Variants in FSTL5 observed in about 807,000 individuals in gnomAD.
The protein encoded by FSTL5 is follistatin like 5.
FSTL5 carries 62 observed loss-of-function variants against 89.1 expected under a neutral mutation model. That is an observed-to-expected ratio of 0.70 (90% CI 0.57 to 0.86). FSTL5 has a LOEUF of 0.86. Among genes scored for constraint, FSTL5 ranks in the 40% least tolerant of loss-of-function variants. The pLI, the probability that FSTL5 is intolerant of heterozygous loss-of-function variation, is 0.00. For synonymous variants in FSTL5, 383 were observed against 346.2 expected (o/e 1.11, Z -1.18); for missense variants, 1,057 against 1,001.6 (o/e 1.06, Z -0.75).
At chr4:161,943,632 T>A (rs1182564965) in intron 3 of FSTL5, among the ~76,000 whole-genome samples, 1 of 125,886 alleles carries the variant, frequency 7.9e-6, no homozygotes, top group Admixed American at 1.0e-4. Context: ...CTCAGCTCAC[T>A]GCAAGCCCCG....
At chr4:161,518,647 C>T (rs756901433) in intron 10 of FSTL5, among the ~76,000 whole-genome samples, 13 of 152,174 alleles carry the variant, frequency 8.5e-5, no homozygotes, top group Admixed American at 3.9e-4. Context: ...ATTGAATCCA[C>T]GACAAGGTAA....
In FSTL5 at chr4:161,402,978, C is replaced by T. The variant is rs28433702; in HGVS notation, c.1842-16529G>A. Among the ~76,000 whole-genome samples the T allele has an allele frequency of 5.8e-3, 886 of 151,830 alleles. 4 individuals are homozygous for T. Among genetic ancestry groups the T allele is most frequent in the African/African-American group, 0.02 (811 of 41,280 alleles). On this transcript the variant is annotated intron_variant, in intron 15 of 15. Coordinates refer to ENST00000306100, the MANE Select transcript of FSTL5 (RefSeq NM_020116.5). ...CGGGGACTACAGGTGCCTGCCACCA[C>T]GCCCGGCTAATTTTTTTTTTGTTTG...
intron 13 of FSTL5, among the ~76,000 whole-genome samples, chr4:161,469,357 A>C (rs2126430239): frequency 6.6e-6 from 1 of 152,316 alleles, no homozygotes; most frequent in East Asian, 1.9e-4. Context: ...TGATAATTCT[A>C]CTTTTAATTT....
intron 7 of FSTL5, among the ~76,000 whole-genome samples, chr4:161,627,207 AT>A (rs1206995759): frequency 6.6e-6 from 1 of 152,120 alleles, no homozygotes; most frequent in East Asian, 1.9e-4. Context: ...CTGTTGTCTT[AT>A]TTTACAAAAT....
intron 15 of FSTL5, among the ~76,000 whole-genome samples, chr4:161,422,633 C>A (rs1252183956): frequency 6.6e-6 from 1 of 152,082 alleles, no homozygotes; most frequent in Admixed American, 6.6e-5. Context: ...TATCGCTAAC[C>A]CTTGCTTTCT....
At chr4:161,918,858 GT>G (rs1432166792) in intron 4 of FSTL5, among the ~76,000 whole-genome samples, 1 of 152,004 alleles carries the variant, frequency 6.6e-6, no homozygotes, top group Admixed American at 6.6e-5. Flanking sequence ...GGCCAGGCTG[GT>G]TTTGAACTCC....
chr4:161,416,737 C>T (rs939291770), intron 15 of FSTL5, among the ~76,000 whole-genome samples: 6 of 150,486 alleles, frequency 4.0e-5, no homozygotes, highest in East Asian at 2.0e-4. Context: ...CCCAGCTACT[C>T]GGGAGGCTGA....
At chr4:161,747,239 A>G (rs937904141) in intron 6 of FSTL5, among the ~76,000 whole-genome samples, 3 of 152,224 alleles carry the variant, frequency 2.0e-5, no homozygotes, top group Non-Finnish European at 4.4e-5. Context: ...ACATAAGTGA[A>G]TCATTGCACA....
intron 2 of FSTL5, among the ~76,000 whole-genome samples, chr4:162,079,652 G>A (rs1730009749): frequency 6.6e-6 from 1 of 151,366 alleles, no homozygotes; most frequent in South Asian, 2.1e-4. Context: ...TAGGATCAGA[G>A]CAACTTCAAA....
At position 161,629,902 on chromosome 4, in the gene FSTL5, G is replaced by A. The variant is rs112528778; in HGVS notation, c.894+26426C>T. Reference sequence around the variant, plus strand: ...GACAGAGTTGGCGCACAGCCAGTGCGAGGCTGTCTATGATGGGACTTCCAG... The same window carrying A: ...GACAGAGTTGGCGCACAGCCAGTGCAAGGCTGTCTATGATGGGACTTCCAG... On this transcript the variant is annotated intron_variant, in intron 7 of 15. Coordinates refer to ENST00000306100, the MANE Select transcript of FSTL5 (RefSeq NM_020116.5). 3.5e-3 allele frequency among the ~76,000 whole-genome samples: 537 copies of A among 152,320 alleles called. 2 individuals are homozygous for A. Among genetic ancestry groups the A allele is most frequent in the African/African-American group, 0.012 (512 of 41,584 alleles).
intron 4 of FSTL5, among the ~76,000 whole-genome samples, chr4:161,890,994 TCTGC>T: frequency 6.6e-6 from 1 of 152,274 alleles, no homozygotes; most frequent in East Asian, 1.9e-4. Context: ...ATTAGCTGGT[TCTGC>T]CTGATTTCTT....
intron 15 of FSTL5, among the ~76,000 whole-genome samples, chr4:161,409,735 C>T (rs1483541377): frequency 1.3e-5 from 2 of 152,116 alleles, no homozygotes; most frequent in African/African-American, 4.8e-5. Flanking sequence ...GAGTGCTAAA[C>T]ATGGATTCAA....
intron 2 of FSTL5, among the ~76,000 whole-genome samples, chr4:162,050,294 G>A (rs541233209): frequency 6.9e-4 from 104 of 151,102 alleles, no homozygotes; most frequent in Middle Eastern, 9.7e-3. Flanking sequence ...ACTCATACAG[G>A]AAAAATAATT....
intron 8 of FSTL5, among the ~76,000 whole-genome samples, chr4:161,583,494 G>A (rs1391131168): frequency 6.6e-6 from 1 of 152,182 alleles, no homozygotes; most frequent in African/African-American, 2.4e-5. Context: ...TATTATAGCA[G>A]TTAATAGTTA....
chr4:161,671,477 C>A lies in FSTL5; in HGVS notation c.728-14983G>T, dbSNP rs541000331. Among the ~76,000 whole-genome samples the A allele has an allele frequency of 6.0e-3, 921 of 152,314 alleles. 9 individuals are homozygous for A. The highest frequency in any genetic ancestry group is 0.046 in the South Asian group (220 of 4,832). ...ACGGTATGCAAAGCCTAAAATATTTCTTCTCCGAGTTTTTACGAAAAGTTG... is the reference window on the plus strand; with the variant it reads ...ACGGTATGCAAAGCCTAAAATATTTATTCTCCGAGTTTTTACGAAAAGTTG... On this transcript the variant is annotated intron_variant, in intron 6 of 15. Coordinates refer to ENST00000306100, the MANE Select transcript of FSTL5 (RefSeq NM_020116.5).
At chr4:161,605,177 G>T (rs950454788) in intron 7 of FSTL5, among the ~76,000 whole-genome samples, 1 of 152,122 alleles carries the variant, frequency 6.6e-6, no homozygotes, top group African/African-American at 2.4e-5. Context: ...AAATTCAGAA[G>T]TATGCCAGAG....
intron 6 of FSTL5, among the ~76,000 whole-genome samples, chr4:161,739,343 A>T (rs1218070807): frequency 3.3e-5 from 5 of 152,182 alleles, no homozygotes; most frequent in Admixed American, 3.3e-4. Flanking sequence ...CCTGGAAAAG[A>T]TCCTTCACTC....
At chr4:161,548,962 TA>T (rs1484512821) in intron 8 of FSTL5, among the ~76,000 whole-genome samples, 6 of 151,852 alleles carry the variant, frequency 4.0e-5, no homozygotes, top group Non-Finnish European at 7.4e-5. Context: ...ATGTAAATAT[TA>T]AATCTATTCA....
intron 2 of FSTL5, among the ~76,000 whole-genome samples, chr4:162,097,231 G>A (rs1360945148): frequency 6.6e-6 from 1 of 151,536 alleles, no homozygotes; most frequent in East Asian, 1.9e-4. Flanking sequence ...TATCCTTAGT[G>A]TCTGATAAAT....
Sources: gnomAD v4.1 joint callset for allele counts (sites outside exome capture counted in the v4.1 genomes callset) on GRCh38, gnomAD v4.1.1 for gene constraint, MANE v1.5 for transcripts, NCBI Gene and HGNC (gene_info 2026-07-23, HGNC 2026-07-21) for gene names.